The following EMB variants were observed in gnomAD, a reference collection of about 807,000 sequenced individuals.
EMB encodes the protein embigin homolog.
In EMB, 31 loss-of-function variants were observed where a neutral mutation model predicts 41.4. The observed-to-expected ratio is 0.75, with a 90% CI of 0.56 to 1.01. The LOEUF is 1.01. Ranked by LOEUF, EMB falls within the 50% of genes least tolerant of loss-of-function variation. EMB has a pLI of 0.00. For synonymous variants in EMB, 137 were observed against 140.4 expected (o/e 0.98, Z 0.17); for missense variants, 379 against 388.3 (o/e 0.98, Z 0.20).
At chr5:50,424,327 C>A (rs969036052) in intron 2 of EMB, among the ~76,000 whole-genome samples, 1 of 152,150 alleles carries the variant, frequency 6.6e-6, no homozygotes, top group African/African-American at 2.4e-5. Flanking sequence ...CTCATTTTTA[C>A]TTGCAGAATT....
At chr5:50,410,718 C>T (rs1176242553) in intron 4 of EMB, among the ~76,000 whole-genome samples, 159 bp downstream of exon 4, 1 of 152,090 alleles carries the variant, frequency 6.6e-6, no homozygotes, top group Non-Finnish European at 1.5e-5. Flanking sequence ...GATACAAGAC[C>T]ATTTTCAAGG....
chr5:50,414,421 C>T (rs2668024), intron 2 of EMB, among the ~76,000 whole-genome samples: 83,775 of 149,580 alleles, frequency 0.56, 25,624 homozygotes, highest in African/African-American at 0.83. Flanking sequence ...CATCTAGTCT[C>T]AGGTAGAGGT....
chr5:50,417,531 C>T (rs1745449996), intron 2 of EMB, among the ~76,000 whole-genome samples: 1 of 152,168 alleles, frequency 6.6e-6, no homozygotes, highest in Non-Finnish European at 1.5e-5. Flanking sequence ...GTGATACAGC[C>T]TAAAACACAC....
At chr5:50,432,520 T>C (rs1745736210) in intron 1 of EMB, among the ~76,000 whole-genome samples, 2 of 152,018 alleles carry the variant, frequency 1.3e-5, no homozygotes, top group African/African-American at 4.8e-5. Flanking sequence ...CCATGCCAAA[T>C]TGTAAAGGCC....
At chr5:50,404,429 A>G (rs1745216430) in intron 5 of EMB, among the ~76,000 whole-genome samples, 1 of 151,930 alleles carries the variant, frequency 6.6e-6, no homozygotes, top group Non-Finnish European at 1.5e-5. Context: ...CTACATTTTG[A>G]AAAGGCACTT....
chr5:50,400,684 C>CT (rs1212051341), intron 7 of EMB, among the ~76,000 whole-genome samples: 1 of 151,898 alleles, frequency 6.6e-6, no homozygotes, highest in Non-Finnish European at 1.5e-5. Context: ...TGTATACAAT[C>CT]TAAAGATAGT....
chr5:50,414,658 C>T (rs953131836), intron 2 of EMB, among the ~76,000 whole-genome samples: 5 of 151,610 alleles, frequency 3.3e-5, no homozygotes, highest in Non-Finnish European at 7.4e-5. Flanking sequence ...GTGCAAAGTG[C>T]TTTGTGAGCA....
rs1328257320 is a variant in EMB, at chr5:50,403,471, T to C, written c.601-17A>G. The C allele has an allele frequency of 6.2e-7, 1 of 1,608,938 alleles. No individual in the cohort carries two copies. The highest frequency in any genetic ancestry group is 8.5e-7 in the Non-Finnish European group (1 of 1,176,776). On this transcript the variant is annotated splice_polypyrimidine_tract_variant and intron_variant, in intron 5 of 8. Coordinates refer to ENST00000303221, the MANE Select transcript of EMB (RefSeq NM_198449.3). The stretch of plus-strand genomic sequence containing the variant: ...AACAGGAACCTAATATGAGGAGACA[T>C]TAAAATCCATTCCTATCATAGCACA...
intron 1 of EMB, among the ~76,000 whole-genome samples, chr5:50,429,342 A>G (rs2111849958): frequency 6.6e-6 from 1 of 152,380 alleles, no homozygotes. Context: ...ATCCCATTCA[A>G]TTTAAATGAA....
intron 1 of EMB, chr5:50,428,460 T>C (rs1478584983): frequency 1.7e-6 from 2 of 1,152,844 alleles, no homozygotes; most frequent in Non-Finnish European, 2.1e-6. Flanking sequence ...CTGACTTACA[T>C]CAGATGGCTT....
At chr5:50,410,340 G>A (rs1481580882) in intron 4 of EMB, among the ~76,000 whole-genome samples, 3 of 151,960 alleles carry the variant, frequency 2.0e-5, no homozygotes, top group Non-Finnish European at 4.4e-5. Flanking sequence ...ATTTTAATTC[G>A]TTTGTTTCCA....
chr5:50,426,007 C>T lies in EMB; in HGVS notation c.196+2137G>A, dbSNP rs191362385. ...AGCAATAGCTTTATTACTAAATAAG[C>T]CTAGAAATAGCAATAAACCTAGAAA... is the stretch of plus-strand genomic sequence containing the variant. On this transcript the variant is annotated intron_variant, in intron 2 of 8. Coordinates refer to ENST00000303221, the MANE Select transcript of EMB (RefSeq NM_198449.3). Among the ~76,000 whole-genome samples, 105 of 152,214 alleles carry T rather than the reference C, an allele frequency of 6.9e-4. 1 individual carries two copies. Among genetic ancestry groups the T allele is most frequent in the Non-Finnish European group, 9.7e-4 (66 of 68,014 alleles).
chr5:50,408,133 T>G (rs532423514), intron 4 of EMB, among the ~76,000 whole-genome samples: 3 of 152,038 alleles, frequency 2.0e-5, no homozygotes, highest in Non-Finnish European at 4.4e-5. Flanking sequence ...GGAAGACAGA[T>G]AGTTGAGCTT....
rs1561129447 is a variant in EMB, at chr5:50,399,893, C to A, written c.932G>T (p.Gly311Val). 6.2e-7 allele frequency: 1 copy of A among 1,603,614 alleles called. No homozygotes were observed. Among genetic ancestry groups the A allele is most frequent in the Non-Finnish European group, 8.5e-7 (1 of 1,175,464 alleles). Residue 311 changes from glycine to valine, a missense_variant, in exon 8 of 9, where the codon GGT becomes GTT. Gly to Val is a moderately radical substitution (Grantham distance 109). Transcript: ENST00000303221. ...ATGCCTGGGGACATTATTTTCTATA[C>A]CATTGCTATCATCTGATTTCCTGCA... ...IEQLKSDDSN[G>V]IENNVPRHRK... is the part of the protein sequence containing the mutation.
chr5:50,400,340 G>T (rs1039254655), intron 7 of EMB, among the ~76,000 whole-genome samples: 2 of 151,938 alleles, frequency 1.3e-5, no homozygotes, highest in Non-Finnish European at 2.9e-5. Flanking sequence ...GTTTATCAGA[G>T]CAGGACTACA....
In EMB at chr5:50,428,178, G is replaced by C. The variant is rs1745652532; in HGVS notation, c.162C>G (p.Asn54Lys). 6.2e-7 allele frequency: 1 copy of C among 1,612,032 alleles called. No homozygotes were observed. The change falls in exon 2 of 9, where the codon AAC becomes AAG. Residue 54 changes from asparagine to lysine, a missense_variant. Coordinates refer to ENST00000303221, the MANE Select transcript of EMB (RefSeq NM_198449.3). ...ATATGTTATGACTCTCCAAGGAAAA[G>C]TTATTTGCCATTATTTCTTCTCTGA... ...PPLREEIMANNFSLESHNISL... is the reference protein window; with the variant it reads ...PPLREEIMANKFSLESHNISL...
At position 50,413,918 on chromosome 5, in the gene EMB, G is replaced by A. The variant is rs181469629; in HGVS notation, c.197-2535C>T. Among the ~76,000 whole-genome samples the A allele has an allele frequency of 9.9e-5, 15 of 152,166 alleles. No individual in the cohort carries two copies. In the East Asian group the frequency reaches 1.2e-3, roughly 12 times the overall value. ...GGAGAGAGATGTCTTTGTATCGGACGTCAGGTGCTATGTTTGGGGCACCTG... is the reference window on the plus strand; with the variant it reads ...GGAGAGAGATGTCTTTGTATCGGACATCAGGTGCTATGTTTGGGGCACCTG... On this transcript the variant is annotated intron_variant, in intron 2 of 8. Transcript: ENST00000303221.
intron 5 of EMB, 133 bp downstream of exon 5, chr5:50,405,592 G>C (rs531143194): frequency 1.5e-4 from 188 of 1,292,582 alleles, no homozygotes; most frequent in Non-Finnish European, 1.8e-4. Flanking sequence ...CTTTCTTTAT[G>C]AACATAAGCT....
chr5:50,440,939 C>A, intron 1 of EMB, 101 bp downstream of exon 1: 1 of 857,642 alleles, frequency 1.2e-6, no homozygotes, highest in Non-Finnish European at 1.6e-6. Flanking sequence ...CGCCTCTCCC[C>A]GCCACCCTTG....
Sources: allele counts gnomAD v4.1 joint callset (sites outside exome capture counted in the v4.1 genomes callset), GRCh38; gene constraint gnomAD v4.1.1; transcripts MANE v1.5; gene names NCBI Gene and HGNC (gene_info 2026-07-23, HGNC 2026-07-21).